VAC14: variants seen among roughly 807,000 people sequenced by gnomAD.
The protein encoded by VAC14 is VAC14 component of PIKFYVE complex, also known as protein VAC14 homolog.
A neutral mutation model predicts 85.3 loss-of-function variants in VAC14; 47 were observed. The observed-to-expected ratio is 0.55, with a 90% CI of 0.44 to 0.70. The LOEUF (loss-of-function observed/expected upper bound fraction) is 0.70, where lower values mean the gene tolerates loss of function less well. Among genes scored for constraint, VAC14 ranks in the 30% least tolerant of loss-of-function variants. The pLI, the probability that VAC14 is intolerant of heterozygous loss-of-function variation, is 0.00. For synonymous variants in VAC14, 447 were observed against 430.5 expected (o/e 1.04, Z -0.47); for missense variants, 861 against 1,004.3 (o/e 0.86, Z 1.93).
chr16:70,741,040 T>C (rs2030241729), intron 13 of VAC14, among the ~76,000 whole-genome samples: 1 of 152,266 alleles, frequency 6.6e-6, no homozygotes, highest in Non-Finnish European at 1.5e-5. Flanking sequence ...TCACCTTTGC[T>C]AGGCTCCCTG....
intron 9 of VAC14, 125 bp downstream of exon 9, chr16:70,780,665 A>C: frequency 1.6e-6 from 2 of 1,261,130 alleles, no homozygotes; most frequent in Non-Finnish European, 2.2e-6. Context: ...TTGCTGCTAC[A>C]ATTGTGTGAG....
chr16:70,755,182 A>G, intron 12 of VAC14: 1 of 326,724 alleles, frequency 3.1e-6, no homozygotes, highest in Non-Finnish European at 6.1e-6. Flanking sequence ...TTCTGGGAGA[A>G]GGTCAGCCAG....
chr16:70,721,678 C>A (rs889477149), intron 14 of VAC14, among the ~76,000 whole-genome samples: 1 of 152,074 alleles, frequency 6.6e-6, no homozygotes, highest in African/African-American at 2.4e-5. Flanking sequence ...TCAGCTCTGT[C>A]CCCGTCTGCT....
chr16:70,768,910 C>G, intron 10 of VAC14: 1 of 436,160 alleles, frequency 2.3e-6, no homozygotes, highest in Non-Finnish European at 4.6e-6. Flanking sequence ...AAGCAATTCT[C>G]CTGCTTCAGC....
Position 70,786,454 on chromosome 16 carries a change from A to C in VAC14, c.105-89T>G, listed in dbSNP as rs114316746. 2,917 of 1,530,494 alleles carry C rather than the reference A, an allele frequency of 1.9e-3. 54 individuals carry two copies. In the African/African-American group the frequency reaches 0.037, roughly 19 times the overall value. The allele number at this position is 1,530,494 out of a possible 1,614,324, so 94.8% of individuals were successfully genotyped here. ...GGGGCGGCAATGAGGAAGGGAGATG[A>C]CCTGTTTGGAAAGAGGAAATGGGAG... On this transcript the variant is annotated intron_variant, in intron 1 of 18. Coordinates refer to ENST00000261776, the MANE Select transcript of VAC14 (RefSeq NM_018052.5).
chr16:70,780,966 A>G (rs776504093), intron 8 of VAC14, 27 bp from the exon 9 acceptor site: 1 of 1,613,278 alleles, frequency 6.2e-7, no homozygotes, highest in Non-Finnish European at 8.5e-7. Context: ...AAGGAGCGTG[A>G]TCTGATTTGG....
intron 14 of VAC14, among the ~76,000 whole-genome samples, chr16:70,712,930 T>C (rs959363995): frequency 1.3e-5 from 2 of 152,154 alleles, no homozygotes; most frequent in African/African-American, 2.4e-5. Context: ...GCATGGGTGC[T>C]CCAGCCTGGC....
chr16:70,774,375 CG>C (rs1316427739), intron 9 of VAC14, among the ~76,000 whole-genome samples: 1 of 152,152 alleles, frequency 6.6e-6, no homozygotes, highest in Non-Finnish European at 1.5e-5. Flanking sequence ...AGGGATGTCA[CG>C]GAAGTGCTGC....
chr16:70,737,784 G>A (rs1225750922), intron 13 of VAC14, among the ~76,000 whole-genome samples: 5 of 152,214 alleles, frequency 3.3e-5, no homozygotes, highest in Non-Finnish European at 7.3e-5. Flanking sequence ...ATGACGTGAA[G>A]AAACCTCACA....
Position 70,762,293 on chromosome 16 carries a change from A to G in VAC14, c.1371+247T>C, listed in dbSNP as rs1192278924. Reference sequence around the variant, plus strand: ...CGGCTAATTTTTGTATTTTGAGTAGAGACGGAGTTTCACCATGTTGGCCAG... The same window carrying G: ...CGGCTAATTTTTGTATTTTGAGTAGGGACGGAGTTTCACCATGTTGGCCAG... On this transcript the variant is annotated intron_variant, in intron 12 of 18. Transcript: ENST00000261776. The surrounding 1 kb of genome is among the most constrained non-coding windows in gnomAD (Gnocchi z 4.1). 6.6e-6 allele frequency among the ~76,000 whole-genome samples: 1 copy of G among 152,096 alleles called. No individual in the cohort carries two copies. The highest frequency in any genetic ancestry group is 1.5e-5 in the Non-Finnish European group (1 of 68,026).
intron 12 of VAC14, chr16:70,747,935 G>A (rs964563263): frequency 2.0e-5 from 3 of 152,086 alleles, no homozygotes; most frequent in African/African-American, 7.2e-5. Context: ...CCACCGAGAG[G>A]CCTGGCCTGT....
At chr16:70,751,374 T>C (rs1201693910) in intron 12 of VAC14, among the ~76,000 whole-genome samples, 3 of 152,222 alleles carry the variant, frequency 2.0e-5, no homozygotes, top group Non-Finnish European at 4.4e-5. Context: ...GTCTGGCCAG[T>C]GCAGGCCACT....
At chr16:70,800,733 G>T in intron 1 of VAC14, 64 bp downstream of exon 1, 1 of 1,428,574 alleles carries the variant, frequency 7.0e-7, no homozygotes, top group South Asian at 1.2e-5. Flanking sequence ...GGCGTGAGAA[G>T]TCCCCCTGGG....
intron 1 of VAC14, among the ~76,000 whole-genome samples, chr16:70,793,378 T>A (rs964872087): frequency 6.6e-6 from 1 of 152,200 alleles, no homozygotes; most frequent in African/African-American, 2.4e-5. Flanking sequence ...TAAGTACCAT[T>A]ACACCCATTT....
In VAC14 at chr16:70,698,738, G is replaced by C. The variant is rs768277321; in HGVS notation, c.1735C>G (p.Leu579Val). The change falls in exon 15 of 19, where the codon CTC becomes GTC. Residue 579 changes from leucine to valine, a missense_variant. Coordinates refer to ENST00000261776, the MANE Select transcript of VAC14 (RefSeq NM_018052.5). The part of the protein sequence containing the change: ...MADILLREED[L>V]KFASTMVHAL... ...TGGACCATGGTCGAGGCGAACTTGA[G>C]GTCCTCCTCCCGCAGCAGGATGTCT... 6.8e-6 allele frequency: 11 copies of C among 1,614,208 alleles called. No individual in the cohort carries two copies. Among genetic ancestry groups the C allele is most frequent in the Non-Finnish European group, 9.3e-6 (11 of 1,180,030 alleles).
rs551065382 is a variant in VAC14, at chr16:70,728,225, C to T, written c.1661+3270G>A. ...AGCAAGCGATCGCCATACTGAGCCC[C>T]TGGAGGGTGGGAAGGGAGGACCCAC... On this transcript the variant is annotated intron_variant, in intron 14 of 18. Coordinates refer to ENST00000261776, the MANE Select transcript of VAC14 (RefSeq NM_018052.5). Among the ~76,000 whole-genome samples the T allele has an allele frequency of 5.9e-5, 9 of 152,238 alleles. 1 individual carries two copies. The highest frequency in any genetic ancestry group is 5.9e-4 in the Admixed American group (9 of 15,300).
intron 1 of VAC14, among the ~76,000 whole-genome samples, chr16:70,787,460 C>A (rs1025927818): frequency 3.3e-5 from 5 of 151,518 alleles, no homozygotes; most frequent in Admixed American, 1.3e-4. Flanking sequence ...GGCTGCTGGT[C>A]ACCCAGGGAG....
At chr16:70,741,151 C>T (rs186558750) in intron 13 of VAC14, among the ~76,000 whole-genome samples, 17 of 152,372 alleles carry the variant, frequency 1.1e-4, no homozygotes, top group South Asian at 4.1e-4. Context: ...CTCAGGGCTG[C>T]GCCCTGGAGA....
In VAC14 at chr16:70,707,605, A is replaced by C. The variant is rs1293285636; in HGVS notation, c.1662-8794T>G. On this transcript the variant is annotated intron_variant, in intron 14 of 18. Transcript: ENST00000261776. Reference sequence around the variant, plus strand: ...CGAAACAGTCTCACAGAGGCAGCTGAAGCCTCAGCCCCCCAGGATTAGCAG... The same window carrying C: ...CGAAACAGTCTCACAGAGGCAGCTGCAGCCTCAGCCCCCCAGGATTAGCAG... Among the ~76,000 whole-genome samples the C allele has an allele frequency of 2.0e-5, 3 of 151,982 alleles. No homozygotes were observed. In the East Asian group the frequency reaches 5.8e-4, roughly 29 times the overall value.
Sources: allele counts gnomAD v4.1 joint callset (sites outside exome capture counted in the v4.1 genomes callset), GRCh38; gene constraint gnomAD v4.1.1; non-coding constraint Gnocchi (gnomAD v3.1); transcripts MANE v1.5; gene names NCBI Gene and HGNC (gene_info 2026-07-23, HGNC 2026-07-21).